Variants in ITGB6 observed in about 807,000 individuals in gnomAD.
ITGB6 encodes integrin beta-6.
A neutral mutation model predicts 84.5 loss-of-function variants in ITGB6; 80 were observed. The ratio of observed to expected loss-of-function variants is 0.95; its 90% CI spans 0.79 to 1.14. The LOEUF (loss-of-function observed/expected upper bound fraction) is 1.14, where lower values mean the gene tolerates loss of function less well. Ranked by LOEUF, ITGB6 falls within the 50% of genes most tolerant of loss-of-function variation. The pLI is 0.00. For missense variants in ITGB6, 1,006 were observed against 968.0 expected (o/e 1.04, Z -0.52); for synonymous variants, 383 against 354.9 (o/e 1.08, Z -0.89).
intron 10 of ITGB6, among the ~76,000 whole-genome samples, chr2:160,129,990 T>C (rs1683401562): frequency 6.6e-6 from 1 of 152,126 alleles, no homozygotes; most frequent in Non-Finnish European, 1.5e-5. Flanking sequence ...ACAATGGGAA[T>C]ATGTACCAAG....
In ITGB6 at chr2:160,138,235, A is replaced by C. The variant is rs772668896; in HGVS notation, c.1108-36T>G. On this transcript the variant is annotated intron_variant, in intron 8 of 14. Coordinates refer to ENST00000283249, the MANE Select transcript of ITGB6 (RefSeq NM_000888.5). The stretch of plus-strand genomic sequence containing the variant: ...AACATAAAGAGTTCAGTGAAGTCAC[A>C]ACCCCAAAAATATAGCCAGAAGAAG... 17 of 1,544,026 alleles carry C rather than the reference A, an allele frequency of 1.1e-5. No individual in the cohort carries two copies. In the South Asian group the frequency reaches 2.0e-4, roughly 18 times the overall value.
At chr2:160,123,986 A>G (rs1441927049) in intron 11 of ITGB6, 98 bp from the exon 12 acceptor site, 11 of 795,824 alleles carry the variant, frequency 1.4e-5, no homozygotes, top group Non-Finnish European at 2.3e-5. Flanking sequence ...TTTGTGCTAT[A>G]GGAGTATGTC....
chr2:160,189,006 T>G (rs1013469537), intron 4 of ITGB6, among the ~76,000 whole-genome samples: 1 of 151,958 alleles, frequency 6.6e-6, no homozygotes, highest in South Asian at 2.1e-4. Context: ...AAAACAGAGA[T>G]ATAGACCAAT....
At chr2:160,109,941 A>C (rs1289474290) in intron 13 of ITGB6, among the ~76,000 whole-genome samples, 2 of 152,248 alleles carry the variant, frequency 1.3e-5, no homozygotes, top group Non-Finnish European at 2.9e-5. Context: ...TTTTATACTG[A>C]TTACACGTTG....
chr2:160,153,476 A>G (rs1470353083), intron 7 of ITGB6, among the ~76,000 whole-genome samples: 2 of 152,260 alleles, frequency 1.3e-5, no homozygotes, highest in African/African-American at 4.8e-5. Context: ...ACCTAAAACC[A>G]TAAAAACCCT....
Position 160,107,732 on chromosome 2 carries a change from G to A in ITGB6, c.2215C>T (p.Arg739Cys), listed in dbSNP as rs750398020. 1.7e-5 allele frequency: 28 copies of A among 1,613,812 alleles called. No homozygotes were observed. The highest frequency in any genetic ancestry group is 1.6e-4 in the Middle Eastern group (1 of 6,084). The change falls in exon 14 of 15, where the codon CGT (arginine) becomes TGT (cysteine). Residue 739 changes from arginine (R) to cysteine (C), a missense_variant. Transcript: ENST00000283249. ...IWKLLVSFHD[R>C]KEVAKFEAER... Reference sequence around the variant, plus strand: ...GCTTCAAATTTGGCAACTTCTTTACGATCATGAAATGACACCAGTAGCTTC... The same window carrying A: ...GCTTCAAATTTGGCAACTTCTTTACAATCATGAAATGACACCAGTAGCTTC...
intron 4 of ITGB6, among the ~76,000 whole-genome samples, chr2:160,190,319 C>T (rs1019287926): frequency 1.3e-5 from 2 of 151,762 alleles, no homozygotes; most frequent in Non-Finnish European, 2.9e-5. Context: ...CAAACCTGCA[C>T]GTTGTGCACA....
At chr2:160,158,699 T>A (rs1684714067) in intron 7 of ITGB6, among the ~76,000 whole-genome samples, 1 of 152,026 alleles carries the variant, frequency 6.6e-6, no homozygotes, top group African/African-American at 2.4e-5. Context: ...GACGAGAAAA[T>A]AGCAAGTAGG....
intron 13 of ITGB6, 151 bp from the exon 14 acceptor site, chr2:160,107,996 A>T: frequency 1.6e-6 from 1 of 628,206 alleles, no homozygotes; most frequent in South Asian, 2.4e-5. Flanking sequence ...AAAATGAGTT[A>T]CTTGTTGAAG....
intron 4 of ITGB6, among the ~76,000 whole-genome samples, chr2:160,177,910 C>A (rs76786636): frequency 1.3e-5 from 2 of 152,156 alleles, no homozygotes; most frequent in African/African-American, 4.8e-5. Flanking sequence ...GAGTCTCACT[C>A]TGTCACCCAG....
At chr2:160,160,447 C>T (rs1684774612) in intron 7 of ITGB6, among the ~76,000 whole-genome samples, 1 of 152,138 alleles carries the variant, frequency 6.6e-6, no homozygotes, top group South Asian at 2.1e-4. Flanking sequence ...ATAATTACCT[C>T]AACTGTTCAA....
rs2105819762 is a variant in ITGB6 at position 160,138,166 on chromosome 2, C to T, written c.1141G>A (p.Gly381Arg). 6.2e-7 allele frequency: 1 copy of T among 1,613,442 alleles called. No homozygotes were observed. The highest frequency in any genetic ancestry group is 8.5e-7 in the Non-Finnish European group (1 of 1,179,844). Residue 381 changes from glycine to arginine, a missense_variant, in exon 9 of 15, where the codon GGA becomes AGA. Physicochemically the swap from Gly to Arg is moderately radical, Grantham distance 125. Transcript: ENST00000283249. ...GACAAGTTGAGTCCTTCAGTGTCTC[C>T]TAATACTTCCAGTTCCACCTCAGAC... ...LRSEVELEVL[G>R]DTEGLNLSFT... is the part of the protein sequence containing the mutation.
chr2:160,103,276 C>A lies in ITGB6; in HGVS notation c.2269-1442G>T, dbSNP rs572589313. ...ATCGGAAACACTCCCCGGTCTTTCCCACTCACTGGCCTCAGTGCCCTCATT... is the reference window on the plus strand; with the variant it reads ...ATCGGAAACACTCCCCGGTCTTTCCAACTCACTGGCCTCAGTGCCCTCATT... On this transcript the variant is annotated intron_variant, in intron 14 of 14. Coordinates refer to ENST00000283249, the MANE Select transcript of ITGB6 (RefSeq NM_000888.5). Among the ~76,000 whole-genome samples, 195 of 152,302 alleles carry A rather than the reference C, an allele frequency of 1.3e-3. 2 individuals are homozygous for A. Among genetic ancestry groups the A allele is most frequent in the Non-Finnish European group, 6.9e-4 (47 of 68,012 alleles).
chr2:160,195,645 A>G, intron 3 of ITGB6, 30 bp from the exon 4 acceptor site: 1 of 1,611,462 alleles, frequency 6.2e-7, no homozygotes, highest in Non-Finnish European at 8.5e-7. Context: ...AAGCAAACCC[A>G]GGAAAACACA....
At chr2:160,158,857 T>C (rs867013340) in intron 7 of ITGB6, among the ~76,000 whole-genome samples, 1 of 152,054 alleles carries the variant, frequency 6.6e-6, no homozygotes, top group African/African-American at 2.4e-5. Flanking sequence ...TCCCAGCACT[T>C]TGGGAGGCTG....
At chr2:160,152,636 T>C (rs143827681) in intron 7 of ITGB6, among the ~76,000 whole-genome samples, 16 of 152,268 alleles carry the variant, frequency 1.1e-4, no homozygotes, top group African/African-American at 3.6e-4. Flanking sequence ...GGTATTCAGT[T>C]AGGAAAAGAG....
In ITGB6 at chr2:160,139,707, A is replaced by G. The variant is rs144807622; in HGVS notation, c.1108-1508T>C. Among the ~76,000 whole-genome samples the G allele has an allele frequency of 8.7e-3, 1,332 of 152,318 alleles. 29 individuals are homozygous for G. Among genetic ancestry groups the G allele is most frequent in the African/African-American group, 0.031 (1,288 of 41,584 alleles). ...AATTTCCCAAGGAAAGGACATAAAC[A>G]CTTATTTGTATTTTTCATAGTTTCA... is the stretch of plus-strand genomic sequence containing the variant. On this transcript the variant is annotated intron_variant, in intron 8 of 14. Coordinates refer to ENST00000283249, the MANE Select transcript of ITGB6 (RefSeq NM_000888.5).
intron 7 of ITGB6, among the ~76,000 whole-genome samples, chr2:160,158,042 C>T (rs1684691561): frequency 6.6e-6 from 1 of 152,208 alleles, no homozygotes; most frequent in Admixed American, 6.5e-5. Flanking sequence ...GTTACTAGGA[C>T]ACCCAAGATT....
intron 8 of ITGB6, among the ~76,000 whole-genome samples, 171 bp downstream of exon 8, chr2:160,141,811 T>A (rs1684009986): frequency 6.6e-6 from 1 of 152,178 alleles, no homozygotes; most frequent in South Asian, 2.1e-4. Flanking sequence ...AGGAAGAAGA[T>A]CAGCAAGCAA....
Sources: allele counts gnomAD v4.1 joint callset (sites outside exome capture counted in the v4.1 genomes callset), GRCh38; gene constraint gnomAD v4.1.1; transcripts MANE v1.5; gene names NCBI Gene and HGNC (gene_info 2026-07-23, HGNC 2026-07-21).